The following AASDH variants were observed in gnomAD, a reference collection of about 807,000 sequenced individuals.
The protein encoded by AASDH is aminoadipate-semialdehyde dehydrogenase.
A neutral mutation model predicts 102.3 loss-of-function variants in AASDH; 81 were observed. That is an observed-to-expected ratio of 0.79 (90% CI 0.66 to 0.95). AASDH has a LOEUF of 0.95. Ranked by LOEUF, AASDH falls within the 40% of genes least tolerant of loss-of-function variation. AASDH has a pLI of 0.00. For missense variants in AASDH, 1,203 were observed against 1,266.2 expected, an observed-to-expected ratio of 0.95 and a Z score of 0.76; for synonymous variants, 398 against 454.0, an observed-to-expected ratio of 0.88 and a Z score of 1.57.
chr4:56,383,865 G>T (rs1015609263), intron 2 of AASDH, among the ~76,000 whole-genome samples: 1 of 151,954 alleles, frequency 6.6e-6, no homozygotes, highest in African/African-American at 2.4e-5. Flanking sequence ...AAAGCTTCTA[G>T]TCTTTCCTAA....
chr4:56,338,942 AGC>A, intron 14 of AASDH, 151 bp from the exon 15 acceptor site: 1 of 746,278 alleles, frequency 1.3e-6, no homozygotes. Context: ...TCTGAAAAGT[AGC>A]ACTATCATAC....
Position 56,349,321 on chromosome 4 carries a change from C to G in AASDH, c.2430G>C (p.Leu810Phe), listed in dbSNP as rs1318701607. 1 of 1,614,200 alleles carries G rather than the reference C, an allele frequency of 6.2e-7. No individual in the cohort carries two copies. The highest frequency in any genetic ancestry group is 1.7e-5 in the Admixed American group (1 of 60,016). ...YSGKVKWEQI[L>F]GDRIESSACV... ...ATGCTGAGGATTCAATTCGATCTCC[C>G]AAAATCTGTTCCCATTTTACCTTCC... Residue 810 changes from leucine to phenylalanine, a missense_variant, in exon 11 of 15, where the codon TTG becomes TTC. By Grantham distance (22) the Leu-to-Phe change is conservative. Coordinates refer to ENST00000205214, the MANE Select transcript of AASDH (RefSeq NM_181806.4).
chr4:56,354,637 G>C (rs1749383684), intron 7 of AASDH, 68 bp downstream of exon 7: 4 of 1,143,656 alleles, frequency 3.5e-6, no homozygotes, highest in Admixed American at 2.3e-5. Flanking sequence ...AAGACGAAAG[G>C]AATAAAATTA....
At chr4:56,344,855 C>T (rs1281664417) in intron 12 of AASDH, among the ~76,000 whole-genome samples, 2 of 152,008 alleles carry the variant, frequency 1.3e-5, no homozygotes, top group Non-Finnish European at 2.9e-5. Context: ...TCAACTACAC[C>T]TGACAGTTAC....
intron 8 of AASDH, 74 bp from the exon 9 acceptor site, chr4:56,353,670 T>A: frequency 7.4e-7 from 1 of 1,346,930 alleles, no homozygotes; most frequent in Non-Finnish European, 1.0e-6. Flanking sequence ...ATTTTTTTAA[T>A]GTCTGAAATC....
At chr4:56,342,770 AT>A (rs1002227698) in intron 14 of AASDH, 64 bp downstream of exon 14, 5 of 678,972 alleles carry the variant, frequency 7.4e-6, no homozygotes, top group South Asian at 1.4e-4. Flanking sequence ...TTCTAGTTCT[AT>A]TTTTTATATA....
chr4:56,339,207 G>A (rs1220493631), intron 14 of AASDH, among the ~76,000 whole-genome samples: 1 of 151,580 alleles, frequency 6.6e-6, no homozygotes, highest in South Asian at 2.1e-4. Context: ...AGGCTGGAGT[G>A]CAGTGGCATG....
chr4:56,341,653 G>A (rs1235896105), intron 14 of AASDH, among the ~76,000 whole-genome samples: 13 of 150,142 alleles, frequency 8.7e-5, no homozygotes, highest in Non-Finnish European at 1.6e-4. Flanking sequence ...CTCCCACCTC[G>A]GCCTCCCAAA....
At chr4:56,369,795 C>T (rs1312940954) in intron 5 of AASDH, among the ~76,000 whole-genome samples, 1 of 151,646 alleles carries the variant, frequency 6.6e-6, no homozygotes. Flanking sequence ...CAAAAATTAG[C>T]TGGGCGTGGT....
chr4:56,387,197 G>A (rs1002175452), intron 1 of AASDH, among the ~76,000 whole-genome samples, 165 bp downstream of exon 1: 1 of 152,176 alleles, frequency 6.6e-6, no homozygotes, highest in Non-Finnish European at 1.5e-5. Context: ...ACAGGTCAGG[G>A]TTAGTCTGCA....
intron 4 of AASDH, among the ~76,000 whole-genome samples, chr4:56,376,718 T>C (rs1047553506): frequency 5.3e-5 from 8 of 152,364 alleles, no homozygotes; most frequent in Non-Finnish European, 8.8e-5. Flanking sequence ...ATTTTTATAT[T>C]GATTACATAT....
rs112095099 is a variant in AASDH at position 56,338,426 on chromosome 4, A to G, written c.3273T>C (p.Asp1091=). The G allele has an allele frequency of 1.2e-6, 2 of 1,613,812 alleles. No homozygotes were observed. ...GCRDNYVYCL[D]LLGGNQK ...ATTATTTTTGATTGCCACCCAATAA[A>G]TCCAGACAATAAACATAATTATCTC... Residue 1091 remains aspartate (D), a synonymous_variant, in exon 15 of 15, where the codon GAT becomes GAC. Transcript: ENST00000205214.
chr4:56,381,161 G>C (rs1018085615), intron 3 of AASDH, among the ~76,000 whole-genome samples: 1 of 152,138 alleles, frequency 6.6e-6, no homozygotes, highest in African/African-American at 2.4e-5. Flanking sequence ...AGATTGCTAA[G>C]AAAAATAAAC....
intron 4 of AASDH, among the ~76,000 whole-genome samples, chr4:56,377,235 A>C (rs1260575634): frequency 6.6e-6 from 1 of 152,060 alleles, no homozygotes; most frequent in African/African-American, 2.4e-5. Context: ...TGAGGTTTCT[A>C]TTTCTGTTTC....
At chr4:56,379,040 C>T (rs529317390) in intron 3 of AASDH, among the ~76,000 whole-genome samples, 7 of 152,080 alleles carry the variant, frequency 4.6e-5, no homozygotes, top group East Asian at 1.9e-4. Flanking sequence ...CCTGCCACCA[C>T]GCCCGGCTAA....
chr4:56,338,309 T>A lies in AASDH; in HGVS notation c.*93A>T. 9.9e-7 allele frequency: 1 copy of A among 1,014,106 alleles called. No homozygotes were observed. The highest frequency in any genetic ancestry group is 1.4e-6 in the Non-Finnish European group (1 of 719,464). 62.8% of individuals were successfully genotyped at this position (1,014,106 alleles called of 1,614,324 possible). A position where few individuals can be genotyped will look rare whatever the true frequency, so the allele number is the denominator to read the frequency against. ...TTTCCGTTTCTTAGCCAAAATATAA[T>A]CTTCTTTAATATAAAATAAGTCCAC... On this transcript the variant is annotated 3_prime_UTR_variant, in exon 15 of 15. Coordinates refer to ENST00000205214, the MANE Select transcript of AASDH (RefSeq NM_181806.4).
intron 14 of AASDH, among the ~76,000 whole-genome samples, chr4:56,341,022 G>A (rs6836864): frequency 0.63 from 96,083 of 152,040 alleles, 30,439 homozygotes; most frequent in Admixed American, 0.71. Flanking sequence ...ACAAATGCTG[G>A]CAAGGATGTG....
intron 5 of AASDH, among the ~76,000 whole-genome samples, chr4:56,367,891 T>G (rs1751211127): frequency 6.6e-6 from 1 of 151,526 alleles, no homozygotes. Context: ...ACTAAAGAGC[T>G]TCTGCACAGC....
chr4:56,343,867 G>A lies in AASDH; in HGVS notation c.2653-183C>T, dbSNP rs201870898. 5.3e-5 allele frequency among the ~76,000 whole-genome samples: 8 copies of A among 152,262 alleles called. No individual in the cohort carries two copies. In the East Asian group the frequency reaches 1.4e-3, roughly 26 times the overall value. ...AGGACACTACCCAGAGACAACCAGT[G>A]TTAACATTTTAGCATTTTCTCATTT... is the stretch of plus-strand genomic sequence containing the variant. On this transcript the variant is annotated intron_variant, in intron 12 of 14. Coordinates refer to ENST00000205214, the MANE Select transcript of AASDH (RefSeq NM_181806.4).
Sources: gnomAD v4.1 joint callset for allele counts (sites outside exome capture counted in the v4.1 genomes callset) on GRCh38, gnomAD v4.1.1 for gene constraint, MANE v1.5 for transcripts, NCBI Gene and HGNC (gene_info 2026-07-23, HGNC 2026-07-21) for gene names.